Variants in NOD1 observed in about 807,000 individuals in gnomAD.
The protein encoded by NOD1 is nucleotide-binding oligomerization domain-containing protein 1.
A neutral mutation model predicts 81.2 loss-of-function variants in NOD1; 70 were observed. The ratio of observed to expected loss-of-function variants is 0.86; its 90% CI spans 0.71 to 1.05. The LOEUF is 1.05. Ranked by LOEUF, NOD1 falls within the 50% of genes least tolerant of loss-of-function variation. The probability of loss-of-function intolerance (pLI) is 0.00; values close to 1 mark genes in which losing one functional copy is unlikely to be tolerated. For missense variants in NOD1, 1,233 were observed against 1,228.0 expected (o/e 1.00, Z -0.06); for synonymous variants, 508 against 526.9 (o/e 0.96, Z 0.49).
Position 30,452,681 on chromosome 7 carries a change from C to T in NOD1, c.736G>A (p.Asp246Asn), listed in dbSNP as rs1785903438. Residue 246 changes from aspartate (D) to asparagine (N), a missense_variant, in exon 6 of 14, where the codon GAC becomes AAC. Asp to Asn is a conservative substitution (Grantham distance 23, BLOSUM62 1). Coordinates refer to ENST00000222823, the MANE Select transcript of NOD1 (RefSeq NM_006092.4). Reference sequence around the variant, plus strand: ...AGCAGGTCCTGCAGACACAGCCTGTCACTTTCCTTGAAGCAGCTGAACATG... The same window carrying T: ...AGCAGGTCCTGCAGACACAGCCTGTTACTTTCCTTGAAGCAGCTGAACATG... ...CRMFSCFKES[D>N]RLCLQDLLFK... 6.2e-7 allele frequency: 1 copy of T among 1,613,788 alleles called. No homozygotes were observed. Among genetic ancestry groups the T allele is most frequent in the Non-Finnish European group, 8.5e-7 (1 of 1,180,060 alleles).
chr7:30,449,988 T>C (rs1206554345), intron 6 of NOD1, among the ~76,000 whole-genome samples: 1 of 152,110 alleles, frequency 6.6e-6, no homozygotes, highest in Admixed American at 6.5e-5. Context: ...AGGTCAGGAT[T>C]TCAAGACCAG....
At chr7:30,459,639 G>A (rs1341969299) in intron 2 of NOD1, among the ~76,000 whole-genome samples, 2 of 152,200 alleles carry the variant, frequency 1.3e-5, no homozygotes, top group African/African-American at 4.8e-5. Context: ...TGCCTGGAAA[G>A]GCTCCAGGGT....
Position 30,455,150 on chromosome 7 carries a change from G to T in NOD1, c.363C>A (p.Val121=). The T allele has an allele frequency of 6.2e-7, 1 of 1,613,884 alleles. No homozygotes were observed. The highest frequency in any genetic ancestry group is 1.1e-5 in the South Asian group (1 of 91,034). ...PSLLTQSKVV[V]NTDPVSRYTQ... ...GCTGACTCCTACCTGGGTCAGTGTT[G>T]ACCACGACTTTGCTCTGAGTGAGCA... The change falls in exon 5 of 14, where the codon GTC becomes GTA. Residue 121 remains valine, a synonymous_variant. Transcript: ENST00000222823.
At chr7:30,473,641 C>T (rs972735128) in intron 1 of NOD1, among the ~76,000 whole-genome samples, 1 of 152,146 alleles carries the variant, frequency 6.6e-6, no homozygotes, top group Non-Finnish European at 1.5e-5. Flanking sequence ...GAGGAGTGAG[C>T]TGCCACTTTC....
At chr7:30,458,608 T>TA (rs1400874576) in intron 3 of NOD1, among the ~76,000 whole-genome samples, 1 of 151,942 alleles carries the variant, frequency 6.6e-6, no homozygotes, top group Non-Finnish European at 1.5e-5. Flanking sequence ...ATCCAAATGA[T>TA]AGAGCAGGAA....
intron 6 of NOD1, among the ~76,000 whole-genome samples, 187 bp from the exon 7 acceptor site, chr7:30,448,568 C>T (rs1257709874): frequency 6.6e-6 from 1 of 152,190 alleles, no homozygotes; most frequent in Non-Finnish European, 1.5e-5. Flanking sequence ...GGCCGCCAGA[C>T]CCATCCTGCA....
At chr7:30,449,959 G>A (rs528247063) in intron 6 of NOD1, among the ~76,000 whole-genome samples, 4 of 152,318 alleles carry the variant, frequency 2.6e-5, no homozygotes, top group East Asian at 3.9e-4. Context: ...TTGGAAGGCC[G>A]AGGCGGGCGG....
chr7:30,465,956 C>T (rs948440284), intron 1 of NOD1, among the ~76,000 whole-genome samples: 1 of 152,238 alleles, frequency 6.6e-6, no homozygotes, highest in Non-Finnish European at 1.5e-5. Flanking sequence ...TGGAACCTGG[C>T]CCAGTGCCAT....
At position 30,452,169 on chromosome 7, in the gene NOD1, G is replaced by T; in HGVS notation, c.1248C>A (p.Asp416Glu). Reference sequence around the variant, plus strand: ...AGACATCTGTCAGGGTCATCGTGCAGTCGGGCAGCTGTGGTGAGCCTTCAA... The same window carrying T: ...AGACATCTGTCAGGGTCATCGTGCATTCGGGCAGCTGTGGTGAGCCTTCAA... ...AAFEGSPQLP[D>E]CTMTLTDVFL... The change falls in exon 6 of 14, where the codon GAC becomes GAA. Residue 416 changes from aspartate to glutamate, a missense_variant. Asp to Glu is a conservative substitution (Grantham distance 45). Coordinates refer to ENST00000222823, the MANE Select transcript of NOD1 (RefSeq NM_006092.4). 1 of 1,614,036 alleles carries T rather than the reference G, an allele frequency of 6.2e-7. No homozygotes were observed.
intron 1 of NOD1, among the ~76,000 whole-genome samples, chr7:30,472,750 C>A (rs1788400968): frequency 6.6e-6 from 1 of 152,214 alleles, no homozygotes; most frequent in Non-Finnish European, 1.5e-5. Context: ...CCTCACCAAA[C>A]TCCCATGCTG....
chr7:30,452,030 G>A lies in NOD1; in HGVS notation c.1387C>T (p.Leu463=), dbSNP rs1785782286. ...ATGCCCCGGTGGGCCACCTGCCCCA[G>A]CGAGCACAGAGTGTCCCGGCCGGCG... ...LHAGRDTLCS[L]GQVAHRGMEK... is the part of the protein sequence containing the mutation. The change falls in exon 6 of 14, where the codon CTG becomes TTG. Residue 463 remains leucine, a synonymous_variant. Coordinates refer to ENST00000222823, the MANE Select transcript of NOD1 (RefSeq NM_006092.4). 1 of 1,613,410 alleles carries A rather than the reference G, an allele frequency of 6.2e-7. No homozygotes were observed. The highest frequency in any genetic ancestry group is 1.3e-5 in the African/African-American group (1 of 74,942).
Position 30,451,903 on chromosome 7 carries a change from C to T in NOD1, c.1514G>A (p.Gly505Asp). Residue 505 changes from glycine to aspartate, a missense_variant, in exon 6 of 14, where the codon GGC becomes GAC. Coordinates refer to ENST00000222823, the MANE Select transcript of NOD1 (RefSeq NM_006092.4). The surrounding 1 kb of genome is among the most constrained non-coding windows in gnomAD (Gnocchi z 4.2). ...LGFLRALPEL[G>D]PGGDQQSYEF... ...ATAGGACTGCTGGTCACCCCCGGGG[C>T]CCAGCTCCGGCAAAGCCCGCAGGAA... 1 of 1,613,568 alleles carries T rather than the reference C, an allele frequency of 6.2e-7. No homozygotes were observed. The highest frequency in any genetic ancestry group is 8.5e-7 in the Non-Finnish European group (1 of 1,179,980).
chr7:30,430,709 C>T lies in NOD1; in HGVS notation c.2706-1252G>A, dbSNP rs1395144496. Among the ~76,000 whole-genome samples, 15 of 152,292 alleles carry T rather than the reference C, an allele frequency of 9.8e-5. No homozygotes were observed. The East Asian group carries it at 2.5e-3, about 25-fold the overall frequency. ...TAAACTGAGAATAACTATAAGAGTG[C>T]CCCCCATCCACTGGGTGTGTGAGAT... On this transcript the variant is annotated intron_variant, in intron 12 of 13. Transcript: ENST00000222823.
At chr7:30,439,752 C>G (rs1266017154) in intron 9 of NOD1, among the ~76,000 whole-genome samples, 282 of 69,694 alleles carry the variant, frequency 4.0e-3, no homozygotes, top group African/African-American at 0.018. Context: ...GTGGAGCCCA[C>G]CACAGCTCAA....
chr7:30,459,584 T>C (rs1583817394), intron 2 of NOD1, among the ~76,000 whole-genome samples: 1 of 152,194 alleles, frequency 6.6e-6, no homozygotes, highest in East Asian at 1.9e-4. Context: ...CAAAAATTAA[T>C]TCACCAGAAA....
chr7:30,437,964 C>A (rs1031732308), intron 9 of NOD1, among the ~76,000 whole-genome samples: 1 of 152,220 alleles, frequency 6.6e-6, no homozygotes, highest in African/African-American at 2.4e-5. Flanking sequence ...AGCCCAGGAG[C>A]CTGAGCTCAT....
chr7:30,451,096 G>T lies in NOD1; in HGVS notation c.2201+120C>A. ...GCCCTGCTAAGAAAGAAAAGGTCTG[G>T]ACATTCCAAGGGCCATGGTCATGAG... On this transcript the variant is annotated intron_variant, in intron 6 of 13. Transcript: ENST00000222823. This position sits in a 1 kb window ranked among gnomAD's most constrained non-coding sequence, Gnocchi z 4.2. 8.4e-7 allele frequency: 1 copy of T among 1,190,806 alleles called. No homozygotes were observed. Among genetic ancestry groups the T allele is most frequent in the Non-Finnish European group, 1.1e-6 (1 of 870,172 alleles). 73.8% of individuals were successfully genotyped at this position (1,190,806 alleles called of 1,614,324 possible). A position where few individuals can be genotyped will look rare whatever the true frequency, so the allele number is the denominator to read the frequency against.
chr7:30,476,172 A>G lies in NOD1; in HGVS notation c.-352+2434T>C, dbSNP rs566828117. The stretch of plus-strand genomic sequence containing the variant: ...CTTAAACCTTAAATCCTACGTTCAT[A>G]TCTTAGATTTTGAACAAATATTGAA... On this transcript the variant is annotated intron_variant, in intron 1 of 13. Transcript: ENST00000222823. Among the ~76,000 whole-genome samples the G allele has an allele frequency of 2.0e-5, 3 of 152,372 alleles. No homozygotes were observed. In the South Asian group the frequency reaches 6.2e-4, roughly 32 times the overall value.
rs1361524588 is a variant in NOD1 at position 30,451,562 on chromosome 7, C to T, written c.1855G>A (p.Ala619Thr). The T allele has an allele frequency of 4.3e-6, 7 of 1,613,496 alleles. No individual in the cohort carries two copies. The Admixed American group carries it at 6.7e-5, about 15-fold the overall frequency. ...CTGGAAAACAGGTGTGCCCACAGGG[C>T]CTTGCGCTTTCTCCTCAGGGCTGCC... ...PAAALRRKRK[A>T]LWAHLFSSLR... Residue 619 changes from alanine to threonine, a missense_variant, in exon 6 of 14, where the codon GCC (alanine) becomes ACC (threonine). Physicochemically the swap from Ala to Thr is moderately conservative, Grantham distance 58. Coordinates refer to ENST00000222823, the MANE Select transcript of NOD1 (RefSeq NM_006092.4). The surrounding 1 kb of genome is among the most constrained non-coding windows in gnomAD (Gnocchi z 4.2).
Sources: gnomAD v4.1 joint callset for allele counts (sites outside exome capture counted in the v4.1 genomes callset) on GRCh38, gnomAD v4.1.1 for gene constraint, Gnocchi (gnomAD v3.1) non-coding constraint, MANE v1.5 for transcripts, NCBI Gene and HGNC (gene_info 2026-07-23, HGNC 2026-07-21) for gene names.